Variants in TNS1 observed in about 807,000 individuals in gnomAD.
The protein encoded by TNS1 is tensin-1.
Under a neutral mutation model 168.6 loss-of-function variants are expected in TNS1, and 62 were observed. That is an observed-to-expected ratio of 0.37 (90% CI 0.30 to 0.45). The LOEUF (loss-of-function observed/expected upper bound fraction) is 0.45. TNS1 is among the 20% of genes least tolerant of loss of function. The pLI, the probability that TNS1 is intolerant of heterozygous loss-of-function variation, is 1.00. For synonymous variants in TNS1, 934 were observed against 933.2 expected (o/e 1.00, Z -0.02); for missense variants, 2,240 against 2,339.4 (o/e 0.96, Z 0.88).
chr2:217,882,531 A>C (rs1249586469), intron 16 of TNS1, 120 bp from the exon 17 acceptor site: 1 of 589,278 alleles, frequency 1.7e-6, no homozygotes, highest in Non-Finnish European at 2.9e-6. Context: ...ATATAATAAT[A>C]ATCAATGTAT....
At chr2:217,971,740 CTAAT>C (rs1398963395) in intron 3 of TNS1, among the ~76,000 whole-genome samples, 1 of 152,346 alleles carries the variant, frequency 6.6e-6, no homozygotes, top group East Asian at 1.9e-4. Flanking sequence ...GTAGCCAAAA[CTAAT>C]TAAATCAGAA....
chr2:217,893,569 C>G lies in TNS1; in HGVS notation c.595-8G>C. ...CCAGCCAAATTCCAGTACCTGTGGC[C>G]CAAGCCATGAGTGAGAAGAGGGCAG... is the stretch of plus-strand genomic sequence containing the variant. On this transcript the variant is annotated splice_polypyrimidine_tract_variant and splice_region_variant and intron_variant, in intron 9 of 32. Transcript: ENST00000682258. The G allele has an allele frequency of 3.1e-6, 5 of 1,605,490 alleles. No individual in the cohort carries two copies. The South Asian group carries it at 5.6e-5, about 18-fold the overall frequency.
chr2:218,022,399 C>T (rs1016842012), intron 1 of TNS1, among the ~76,000 whole-genome samples: 4 of 152,190 alleles, frequency 2.6e-5, no homozygotes, highest in Non-Finnish European at 5.9e-5. Context: ...CCCAAGACCA[C>T]GCTGCATCCC....
At chr2:217,910,764 C>CCATCCTTG (rs1215478102) in intron 4 of TNS1, among the ~76,000 whole-genome samples, 6 of 124,788 alleles carry the variant, frequency 4.8e-5, no homozygotes, top group Admixed American at 3.2e-4. Flanking sequence ...ACACACACAA[C>CCATCCTTG]CATCCTTGCA....
At chr2:217,865,422 T>C (rs1452435252) in intron 18 of TNS1, among the ~76,000 whole-genome samples, 1 of 152,088 alleles carries the variant, frequency 6.6e-6, no homozygotes, top group Non-Finnish European at 1.5e-5. Context: ...TTCTCGAAGG[T>C]TCTCAAGCAA....
At chr2:217,868,235 G>A (rs1574882164) in intron 18 of TNS1, among the ~76,000 whole-genome samples, 1 of 152,224 alleles carries the variant, frequency 6.6e-6, no homozygotes, top group East Asian at 1.9e-4. Context: ...CTATCCTTAT[G>A]TCATTCCCAC....
chr2:217,943,172 G>A (rs1213079150), intron 3 of TNS1, among the ~76,000 whole-genome samples: 1 of 152,206 alleles, frequency 6.6e-6, no homozygotes. Flanking sequence ...TGAGGAAGGA[G>A]TAAGGGCTAG....
chr2:217,962,863 A>C (rs1448146347), intron 3 of TNS1, among the ~76,000 whole-genome samples: 2 of 152,194 alleles, frequency 1.3e-5, no homozygotes, highest in African/African-American at 2.4e-5. Flanking sequence ...CCTAGATCAG[A>C]AAAAGGGCAG....
At position 218,008,074 on chromosome 2, in the gene TNS1, A is replaced by C. The variant is rs545783375; in HGVS notation, c.96+2026T>G. Among the ~76,000 whole-genome samples, 28 of 152,228 alleles carry C rather than the reference A, an allele frequency of 1.8e-4. No individual in the cohort carries two copies. In the South Asian group the frequency reaches 4.6e-3, roughly 25 times the overall value. Reference sequence around the variant, plus strand: ...CAGAGCTCCAACCAGGCCCTGTGTGAGCCTCAGTATCCCCAGCTGACACGA... The same window carrying C: ...CAGAGCTCCAACCAGGCCCTGTGTGCGCCTCAGTATCCCCAGCTGACACGA... On this transcript the variant is annotated intron_variant, in intron 1 of 32. Transcript: ENST00000646520.
intron 22 of TNS1, among the ~76,000 whole-genome samples, chr2:217,822,635 T>A (rs1409921454): frequency 6.6e-6 from 1 of 152,188 alleles, no homozygotes; most frequent in Non-Finnish European, 1.5e-5. Context: ...CAGTTTAGTT[T>A]ACAGAGGACC....
At position 217,991,070 on chromosome 2, in the gene TNS1, G is replaced by T. The variant is rs1346900627; in HGVS notation, c.34-14C>A. The T allele has an allele frequency of 7.6e-6, 5 of 656,586 alleles. No individual in the cohort carries two copies. The highest frequency in any genetic ancestry group is 1.1e-5 in the Non-Finnish European group (4 of 353,948). The allele number at this position is 656,586 out of a possible 1,614,324, so 40.7% of individuals were successfully genotyped here. Reference sequence around the variant, plus strand: ...CAGATCCTCTGGCTGTGGGAGGAGAGGCACAGAGTCAGCCCTGGGTAGAAG... The same window carrying T: ...CAGATCCTCTGGCTGTGGGAGGAGATGCACAGAGTCAGCCCTGGGTAGAAG... On this transcript the variant is annotated splice_polypyrimidine_tract_variant and intron_variant, in intron 1 of 32. Transcript: ENST00000682258.
chr2:217,955,434 C>T (rs766619385), intron 3 of TNS1, among the ~76,000 whole-genome samples: 4 of 152,128 alleles, frequency 2.6e-5, no homozygotes, highest in African/African-American at 7.2e-5. Flanking sequence ...GCCTTCCTCC[C>T]GCACAGTGCC....
intron 18 of TNS1, among the ~76,000 whole-genome samples, chr2:217,858,173 G>A (rs3791958): frequency 0.088 from 13,341 of 151,954 alleles, 875 homozygotes; most frequent in East Asian, 0.27. Context: ...AAGACGAACC[G>A]TTACCCCCAC....
upstream of TNS1, among the ~76,000 whole-genome samples, chr2:218,006,211 G>A (rs1958655824): frequency 6.6e-6 from 1 of 152,250 alleles, no homozygotes; most frequent in Admixed American, 6.5e-5. Flanking sequence ...GCTGGAGGAG[G>A]GTGGAGCCAA....
At chr2:217,998,221 G>GTCTCTCTCTCTCTCTC (rs60663810) in intron 1 of TNS1, among the ~76,000 whole-genome samples, 55 of 149,566 alleles carry the variant, frequency 3.7e-4, no homozygotes, top group African/African-American at 1.1e-3. Flanking sequence ...CTCCATCAGT[G>GTCTCTCTCTCTCTCTC]TCTCTCTCTC....
At chr2:217,859,692 T>G (rs1240194173) in intron 18 of TNS1, 2 of 1,536,034 alleles carry the variant, frequency 1.3e-6, no homozygotes, top group Non-Finnish European at 1.7e-6. Context: ...GGTATTCTGT[T>G]TGTTCCCATC....
chr2:217,877,944 G>T (rs371074077), intron 18 of TNS1, among the ~76,000 whole-genome samples: 1 of 152,192 alleles, frequency 6.6e-6, no homozygotes, highest in South Asian at 2.1e-4. Context: ...GAATGGTCTG[G>T]CCTCTACTAT....
chr2:217,810,148 G>A, intron 29 of TNS1, 100 bp downstream of exon 29: 1 of 1,468,624 alleles, frequency 6.8e-7, no homozygotes, highest in East Asian at 2.3e-5. Context: ...AGAGACATTT[G>A]GGCCTGGAGA....
rs766740679 is a variant in TNS1, at chr2:217,821,924, C to T, written c.3388G>A (p.Val1130Met). The change falls in exon 23 of 33, where the codon GTG (valine) becomes ATG (methionine). Residue 1130 changes from valine to methionine, a missense_variant. This residue lies in a region of TNS1 where 2,131 missense variants were observed against 2,171.2 expected (regional missense o/e 0.98). Coordinates refer to ENST00000682258, the MANE Select transcript of TNS1 (RefSeq NM_001387777.1). ...ACCGCTGTCCGTGCCACAGACTCCA[C>T]ATAGCTCCGGGGCTCTGGAAGGGGC... ...LHPTGEPRSY[V>M]ESVARTAVAG... 4 of 1,588,018 alleles carry T rather than the reference C, an allele frequency of 2.5e-6. No individual in the cohort carries two copies. The highest frequency in any genetic ancestry group is 3.4e-6 in the Non-Finnish European group (4 of 1,167,502).
Sources: allele counts gnomAD v4.1 joint callset (sites outside exome capture counted in the v4.1 genomes callset), GRCh38; gene constraint gnomAD v4.1.1; regional missense constraint gnomAD v4.1.1; transcripts MANE v1.5; gene names NCBI Gene and HGNC (gene_info 2026-07-23, HGNC 2026-07-21).